The following TNRC6B variants were observed in gnomAD, a reference collection of about 807,000 sequenced individuals.
TNRC6B encodes the protein trinucleotide repeat-containing gene 6B protein.
Under a neutral mutation model 203.6 loss-of-function variants are expected in TNRC6B, and 52 were observed. The observed-to-expected ratio is 0.26, with a 90% CI of 0.20 to 0.32. The LOEUF is 0.32. Ranked by LOEUF, TNRC6B falls within the 10% of genes least tolerant of loss-of-function variation. TNRC6B has a pLI of 1.00. For synonymous variants in TNRC6B, 838 were observed against 845.7 expected, an observed-to-expected ratio of 0.99 and a Z score of 0.16; for missense variants, 1,923 against 2,286.2, an observed-to-expected ratio of 0.84 and a Z score of 3.24.
At chr22:40,218,094 C>G (rs1032351732) in intron 1 of TNRC6B, among the ~76,000 whole-genome samples, 2 of 151,746 alleles carry the variant, frequency 1.3e-5, no homozygotes, top group Admixed American at 6.6e-5. Flanking sequence ...GCTGACATTT[C>G]TTTATACTGT....
Position 40,265,143 on chromosome 22 carries a change from A to T in TNRC6B, c.913A>T (p.Asn305Tyr), listed in dbSNP as rs751405473. 6.2e-7 allele frequency: 1 copy of T among 1,613,998 alleles called. No homozygotes were observed. The highest frequency in any genetic ancestry group is 1.1e-5 in the South Asian group (1 of 91,086). The change falls in exon 5 of 23, where the codon AAT (asparagine) becomes TAT (tyrosine). Residue 305 changes from asparagine to tyrosine, a missense_variant. Asn to Tyr is a moderately radical substitution (Grantham distance 143). Coordinates refer to ENST00000454349, the MANE Select transcript of TNRC6B (RefSeq NM_001162501.2). Reference protein sequence around the residue: ...PGSGFSNFNPNSNPSAWPALV... With the variant: ...PGSGFSNFNPYSNPSAWPALV... ...CTCTGGCTTCAGCAACTTTAACCCA[A>T]ATAGCAACCCATCTGCCTGGCCAGC...
chr22:40,273,509 A>G lies in TNRC6B; in HGVS notation c.3050A>G (p.Asp1017Gly). The G allele has an allele frequency of 6.2e-7, 1 of 1,602,994 alleles. No homozygotes were observed. Among genetic ancestry groups the G allele is most frequent in the Non-Finnish European group, 8.5e-7 (1 of 1,174,628 alleles). The change falls in exon 7 of 23, where the codon GAT becomes GGT. Residue 1017 changes from aspartate (D) to glycine (G), a missense_variant. Asp to Gly is a moderately conservative substitution (Grantham distance 94). This residue lies in a region of TNRC6B where 599 missense variants were observed against 656.5 expected (regional missense o/e 0.91). Transcript: ENST00000454349. ...ARHPSWEEEE[D>G]GGVWNTTGSQ... is the part of the protein sequence containing the mutation. ...CATCCCAGCTGGGAAGAGGAGGAGG[A>G]TGGAGGAGTCTGGAACACCACTGGC... is the stretch of plus-strand genomic sequence containing the variant.
intron 2 of TNRC6B, among the ~76,000 whole-genome samples, chr22:40,118,266 T>C (rs2068409952): frequency 6.6e-6 from 1 of 152,202 alleles, no homozygotes. Context: ...CTATGGTTTT[T>C]GAACCTCCAG....
intron 1 of TNRC6B, among the ~76,000 whole-genome samples, chr22:40,099,857 TCTC>T (rs1309033622): frequency 6.6e-6 from 1 of 151,982 alleles, no homozygotes; most frequent in Admixed American, 6.6e-5. Context: ...CTCACGCCAT[TCTC>T]CTTCCTCAGC....
chr22:40,064,885 G>A (rs112293980), intron 1 of TNRC6B, among the ~76,000 whole-genome samples: 6,735 of 152,084 alleles, frequency 0.044, 483 homozygotes, highest in African/African-American at 0.15. Flanking sequence ...CCAAAGTGCT[G>A]GGATTACAGG....
intron 2 of TNRC6B, among the ~76,000 whole-genome samples, chr22:40,123,849 T>C (rs914491560): frequency 7.2e-5 from 11 of 152,046 alleles, no homozygotes; most frequent in African/African-American, 1.9e-4. Flanking sequence ...GGATAAGTTA[T>C]TGAGTTTTTC....
At chr22:40,197,877 G>T (rs988339417) in intron 1 of TNRC6B, among the ~76,000 whole-genome samples, 1 of 151,924 alleles carries the variant, frequency 6.6e-6, no homozygotes, top group Non-Finnish European at 1.5e-5. Context: ...CTCCCAAAGC[G>T]CTGGGATTAC....
intron 3 of TNRC6B, among the ~76,000 whole-genome samples, chr22:40,153,548 A>AG (rs1340122243): frequency 5.9e-5 from 5 of 84,236 alleles, no homozygotes; most frequent in Admixed American, 1.1e-4. Flanking sequence ...ATACTAAGCT[A>AG]GAAAAAAAAA....
intron 1 of TNRC6B, among the ~76,000 whole-genome samples, chr22:40,185,799 T>A (rs553841469): frequency 6.6e-6 from 1 of 152,142 alleles, no homozygotes; most frequent in African/African-American, 2.4e-5. Flanking sequence ...AAAGGAAGAA[T>A]TGAGAGACAG....
At chr22:40,046,709 A>G (rs927279391) in intron 1 of TNRC6B, among the ~76,000 whole-genome samples, 3 of 149,068 alleles carry the variant, frequency 2.0e-5, no homozygotes, top group African/African-American at 5.0e-5. Flanking sequence ...TAGTGGCACA[A>G]TCTCGGCTCA....
At chr22:40,139,972 A>C (rs1455340344) in intron 3 of TNRC6B, among the ~76,000 whole-genome samples, 1 of 152,130 alleles carries the variant, frequency 6.6e-6, no homozygotes. Flanking sequence ...TTTAGCCCCC[A>C]CAGTTAGGTC....
chr22:40,213,979 G>A (rs2069598563), intron 1 of TNRC6B, among the ~76,000 whole-genome samples: 1 of 152,018 alleles, frequency 6.6e-6, no homozygotes, highest in Non-Finnish European at 1.5e-5. Flanking sequence ...TAAATAAAGG[G>A]GTAGCAGGCT....
chr22:40,254,402 C>G (rs544967989), intron 3 of TNRC6B, among the ~76,000 whole-genome samples: 9 of 152,300 alleles, frequency 5.9e-5, no homozygotes, highest in South Asian at 2.1e-4. Flanking sequence ...GGCGTGTAAT[C>G]CCAGCTACTT....
intron 3 of TNRC6B, among the ~76,000 whole-genome samples, chr22:40,144,951 G>C (rs184980033): frequency 2.8e-4 from 43 of 151,312 alleles, no homozygotes; most frequent in Admixed American, 2.6e-3. Context: ...AATCATTAAG[G>C]CTAGGCTCAG....
At chr22:40,056,059 T>C (rs2067792210) in intron 1 of TNRC6B, among the ~76,000 whole-genome samples, 1 of 152,212 alleles carries the variant, frequency 6.6e-6, no homozygotes, top group South Asian at 2.1e-4. Context: ...TCAATGTCTC[T>C]TTCCTTTTCT....
chr22:40,152,620 A>G (rs946685303), intron 3 of TNRC6B, among the ~76,000 whole-genome samples: 5 of 150,512 alleles, frequency 3.3e-5, no homozygotes, highest in Admixed American at 6.6e-5. Context: ...GAGCCATCGC[A>G]CCCGGCCACA....
chr22:40,253,056 G>A (rs1033986722), intron 3 of TNRC6B, among the ~76,000 whole-genome samples: 12 of 151,808 alleles, frequency 7.9e-5, no homozygotes, highest in African/African-American at 2.7e-4. Flanking sequence ...AGTGGTGTTG[G>A]GAAACAGAAA....
rs1200920281 is a variant in TNRC6B, at chr22:40,301,179, G to A, written c.3966G>A (p.Gln1322=). The change falls in exon 15 of 23, where the codon CAG becomes CAA. Residue 1322 remains glutamine, a synonymous_variant. Transcript: ENST00000454349. ...CTCGAATGGTGAGTGCACTGCAGCA[G>A]CAGCAGCAGCAGCAGCAGAGGCAGC... ...QLARMVSALQ[Q]QQQQQQRQPG... 6.5e-6 allele frequency: 10 copies of A among 1,543,084 alleles called. No individual in the cohort carries two copies. In the Admixed American group the frequency reaches 1.6e-4, roughly 24 times the overall value.
chr22:40,273,224 G>A (rs2070588957), intron 6 of TNRC6B, among the ~76,000 whole-genome samples: 1 of 152,190 alleles, frequency 6.6e-6, no homozygotes, highest in Non-Finnish European at 1.5e-5. Context: ...TCTATGGTTT[G>A]TTAACTTTCT....
Sources: allele counts gnomAD v4.1 joint callset (sites outside exome capture counted in the v4.1 genomes callset), GRCh38; gene constraint gnomAD v4.1.1; regional missense constraint gnomAD v4.1.1; transcripts MANE v1.5; gene names NCBI Gene and HGNC (gene_info 2026-07-23, HGNC 2026-07-21).